Variants in SLC25A26 observed in about 807,000 individuals in gnomAD.
The protein encoded by SLC25A26 is solute carrier family 25 member 26.
In SLC25A26, 36 loss-of-function variants were observed where a neutral mutation model predicts 37.8. That is an observed-to-expected ratio of 0.95 (90% CI 0.73 to 1.26). SLC25A26 has a LOEUF of 1.26. Among genes scored for constraint, SLC25A26 ranks in the 50% most tolerant of loss-of-function variants. SLC25A26 has a pLI of 0.00. For missense variants in SLC25A26, 390 were observed against 331.1 expected (o/e 1.18, Z -1.38); for synonymous variants, 129 against 122.5 (o/e 1.05, Z -0.35).
chr3:66,319,913 C>A (rs2075648949), intron 5 of SLC25A26, among the ~76,000 whole-genome samples: 1 of 151,912 alleles, frequency 6.6e-6, no homozygotes, highest in South Asian at 2.1e-4. Flanking sequence ...ACCACCACGC[C>A]TGGCTAATTT....
intron 5 of SLC25A26, among the ~76,000 whole-genome samples, chr3:66,294,879 C>T (rs540153121): frequency 6.6e-6 from 1 of 152,246 alleles, no homozygotes; most frequent in South Asian, 2.1e-4. Context: ...ATCCACTTTG[C>T]TTTTGGCTCT....
At position 66,352,866 on chromosome 3, in the gene SLC25A26, A is replaced by C. The variant is rs369751770; in HGVS notation, c.498+6458A>C. Reference sequence around the variant, plus strand: ...CACCTCAGAGAGACGTTCCCGGTCTACCCCTCTCCAAAGTAGGACTTTCCC... The same window carrying C: ...CACCTCAGAGAGACGTTCCCGGTCTCCCCCTCTCCAAAGTAGGACTTTCCC... On this transcript the variant is annotated intron_variant, in intron 6 of 9. Coordinates refer to ENST00000354883, the MANE Select transcript of SLC25A26 (RefSeq NM_001379210.1). Among the ~76,000 whole-genome samples the C allele has an allele frequency of 2.4e-4, 36 of 152,114 alleles. 1 individual carries two copies. In the South Asian group the frequency reaches 7.5e-3, roughly 32 times the overall value.
At chr3:66,263,116 C>A (rs1017980634) in intron 4 of SLC25A26, among the ~76,000 whole-genome samples, 1 of 152,186 alleles carries the variant, frequency 6.6e-6, no homozygotes, top group South Asian at 2.1e-4. Flanking sequence ...GAGAGCTAAT[C>A]TGAGCTCCCT....
chr3:66,139,680 G>A (rs1335640529), intron 1 of SLC25A26, among the ~76,000 whole-genome samples: 1 of 152,200 alleles, frequency 6.6e-6, no homozygotes, highest in Non-Finnish European at 1.5e-5. Context: ...CGGCTGCAGT[G>A]TTACACATGC....
intron 1 of SLC25A26, among the ~76,000 whole-genome samples, chr3:66,137,125 C>A (rs570382767): frequency 6.6e-6 from 1 of 151,894 alleles, no homozygotes; most frequent in Non-Finnish European, 1.5e-5. Context: ...TTCCTGCCAC[C>A]TTTTCCACCA....
intron 1 of SLC25A26, among the ~76,000 whole-genome samples, chr3:66,187,127 G>C (rs1007224520): frequency 0.011 from 1,640 of 151,350 alleles, 20 homozygotes; most frequent in African/African-American, 0.031. Context: ...TCCTCAACCA[G>C]ATACTTTTCT....
chr3:66,197,462 T>C (rs1410246240), intron 1 of SLC25A26, among the ~76,000 whole-genome samples: 1 of 152,050 alleles, frequency 6.6e-6, no homozygotes, highest in Non-Finnish European at 1.5e-5. Context: ...CAAGGTCAGA[T>C]CAACATCAGG....
chr3:66,178,817 T>C (rs1202783129), intron 1 of SLC25A26, among the ~76,000 whole-genome samples: 1 of 152,198 alleles, frequency 6.6e-6, no homozygotes, highest in Non-Finnish European at 1.5e-5. Flanking sequence ...GAAAGTATAA[T>C]GCAGAAGGAA....
intron 3 of SLC25A26, among the ~76,000 whole-genome samples, chr3:66,260,789 A>G (rs920141986): frequency 1.3e-5 from 2 of 152,196 alleles, no homozygotes; most frequent in African/African-American, 2.4e-5. Flanking sequence ...TAATTTATAT[A>G]TTATTATGTA....
intron 9 of SLC25A26, among the ~76,000 whole-genome samples, chr3:66,373,815 C>T (rs1487475226): frequency 3.3e-5 from 5 of 152,016 alleles, no homozygotes; most frequent in South Asian, 2.1e-4. Context: ...CTAAAAAGGG[C>T]CCACAAAACT....
At chr3:66,239,441 T>C (rs2072462140) in intron 2 of SLC25A26, among the ~76,000 whole-genome samples, 1 of 152,224 alleles carries the variant, frequency 6.6e-6, no homozygotes, top group Admixed American at 6.5e-5. Flanking sequence ...CAGGCAGATG[T>C]CCTTTCTGCT....
chr3:66,231,378 A>C (rs2072021796), intron 1 of SLC25A26, among the ~76,000 whole-genome samples: 1 of 151,894 alleles, frequency 6.6e-6, no homozygotes, highest in Admixed American at 6.6e-5. Context: ...TTTTTTCCCC[A>C]GGGGAAGCAT....
At chr3:66,144,162 A>G (rs28687937) in intron 1 of SLC25A26, among the ~76,000 whole-genome samples, 25,686 of 151,954 alleles carry the variant, frequency 0.17, 3,062 homozygotes, top group East Asian at 0.42. Flanking sequence ...GAATGATAAC[A>G]AGGAACCAAC....
chr3:66,374,046 G>C (rs1700496592), intron 9 of SLC25A26, among the ~76,000 whole-genome samples: 1 of 150,208 alleles, frequency 6.7e-6, no homozygotes, highest in Admixed American at 6.6e-5. Flanking sequence ...GCTACTGTTG[G>C]CATACTTGAC....
At chr3:66,234,932 T>C (rs142780138) in intron 1 of SLC25A26, among the ~76,000 whole-genome samples, 2,766 of 152,316 alleles carry the variant, frequency 0.018, 80 homozygotes, top group African/African-American at 0.062. Context: ...GCAATTTAGT[T>C]AAAAAATTAC....
intron 9 of SLC25A26, among the ~76,000 whole-genome samples, chr3:66,377,190 T>C (rs2107884961): frequency 6.6e-6 from 1 of 152,350 alleles, no homozygotes. Flanking sequence ...CCAAGGGGAC[T>C]GTGCAGGTGG....
intron 5 of SLC25A26, among the ~76,000 whole-genome samples, chr3:66,275,239 T>C (rs2074097880): frequency 1.9e-5 from 2 of 105,746 alleles, no homozygotes; most frequent in South Asian, 7.4e-4. Flanking sequence ...CATCACACTC[T>C]GGGGATGTTG....
intron 1 of SLC25A26, among the ~76,000 whole-genome samples, chr3:66,208,889 C>A (rs1462851455): frequency 3.5e-5 from 1 of 28,690 alleles, no homozygotes; most frequent in Non-Finnish European, 8.3e-5. Flanking sequence ...TATATATACA[C>A]CTTTATATGG....
chr3:66,354,537 C>T (rs1327712003), intron 6 of SLC25A26, among the ~76,000 whole-genome samples: 1 of 152,048 alleles, frequency 6.6e-6, no homozygotes, highest in Non-Finnish European at 1.5e-5. Flanking sequence ...GCTATGTTTT[C>T]AAGTTCAAGA....
Sources: allele counts gnomAD v4.1 joint callset (sites outside exome capture counted in the v4.1 genomes callset), GRCh38; gene constraint gnomAD v4.1.1; transcripts MANE v1.5; gene names NCBI Gene and HGNC (gene_info 2026-07-23, HGNC 2026-07-21).